Variants in KIRREL1 observed in about 807,000 individuals in gnomAD.
The protein encoded by KIRREL1 is kirre like nephrin family adhesion molecule 1, also known as kin of IRRE-like protein 1.
A neutral mutation model predicts 83.3 loss-of-function variants in KIRREL1; 25 were observed. That is an observed-to-expected ratio of 0.30 (90% CI 0.22 to 0.42). The LOEUF is 0.42. Ranked by LOEUF, KIRREL1 falls within the 10% of genes least tolerant of loss-of-function variation. The pLI is 1.00. For synonymous variants in KIRREL1, 388 were observed against 410.4 expected, an observed-to-expected ratio of 0.95 and a Z score of 0.66; for missense variants, 812 against 1,032.3, an observed-to-expected ratio of 0.79 and a Z score of 2.92.
Position 158,072,535 on chromosome 1 carries a change from C to A in KIRREL1, c.53-3578C>A, listed in dbSNP as rs547398279. Among the ~76,000 whole-genome samples, 38 of 152,210 alleles carry A rather than the reference C, an allele frequency of 2.5e-4. 1 individual carries two copies. Among genetic ancestry groups the A allele is most frequent in the Non-Finnish European group, 4.7e-4 (32 of 68,018 alleles). On this transcript the variant is annotated intron_variant, in intron 1 of 14. Transcript: ENST00000359209. ...GAGTAGGAAGACCTTGAGGGAACTA[C>A]ACGAAAGTCACGGGAGACTTCCCAG...
At chr1:158,027,613 G>A (rs555070073) in intron 1 of KIRREL1, among the ~76,000 whole-genome samples, 1 of 152,320 alleles carries the variant, frequency 6.6e-6, no homozygotes, top group Non-Finnish European at 1.5e-5. Context: ...GACACTTATC[G>A]CTTGGGAGAT....
intron 1 of KIRREL1, among the ~76,000 whole-genome samples, chr1:158,061,503 T>C (rs929823189): frequency 5.3e-5 from 8 of 152,176 alleles, no homozygotes; most frequent in African/African-American, 1.9e-4. Context: ...AGGTTTCTCC[T>C]ACACCTGGAT....
At chr1:158,038,215 G>T (rs780074767) in intron 1 of KIRREL1, among the ~76,000 whole-genome samples, 1 of 152,208 alleles carries the variant, frequency 6.6e-6, no homozygotes, top group Non-Finnish European at 1.5e-5. Flanking sequence ...GCATTCATCC[G>T]TTTAGTTCTC....
At chr1:158,051,207 G>T (rs190192609) in intron 1 of KIRREL1, among the ~76,000 whole-genome samples, 22 of 152,286 alleles carry the variant, frequency 1.4e-4, no homozygotes, top group Admixed American at 6.5e-5. Flanking sequence ...CATACTCGGT[G>T]CCTTCCCCTG....
At chr1:158,026,832 G>GA (rs1660184876) in intron 1 of KIRREL1, among the ~76,000 whole-genome samples, 1 of 152,036 alleles carries the variant, frequency 6.6e-6, no homozygotes, top group Non-Finnish European at 1.5e-5. Context: ...AAAGCTGAAT[G>GA]AAAAAAAGCA....
At chr1:158,059,605 G>A (rs1220310082) in intron 1 of KIRREL1, among the ~76,000 whole-genome samples, 1 of 152,138 alleles carries the variant, frequency 6.6e-6, no homozygotes, top group Non-Finnish European at 1.5e-5. Flanking sequence ...TGAGATTGGG[G>A]TTAGGAAAGT....
intron 1 of KIRREL1, among the ~76,000 whole-genome samples, chr1:158,073,763 C>T (rs527369182): frequency 9.9e-5 from 15 of 152,218 alleles, no homozygotes; most frequent in Non-Finnish European, 1.8e-4. Context: ...ACCCCCGTTT[C>T]CTGATTCTTA....
intron 1 of KIRREL1, among the ~76,000 whole-genome samples, chr1:158,024,662 G>A (rs1021527316): frequency 6.6e-6 from 1 of 152,140 alleles, no homozygotes; most frequent in East Asian, 1.9e-4. Context: ...AAGGCCCTTG[G>A]ATCCAACTGT....
intron 1 of KIRREL1, among the ~76,000 whole-genome samples, chr1:158,051,202 T>G (rs958962374): frequency 1.3e-5 from 2 of 152,192 alleles, no homozygotes; most frequent in Admixed American, 1.3e-4. Flanking sequence ...CAGTGCATAC[T>G]CGGTGCCTTC....
At chr1:158,010,346 CACACACACACACA>C (rs1659640083) in intron 1 of KIRREL1, among the ~76,000 whole-genome samples, 1 of 147,902 alleles carries the variant, frequency 6.8e-6, no homozygotes, top group Non-Finnish European at 1.5e-5. Flanking sequence ...CACACACACA[CACACACACACACA>C]CACCCCACAC....
At chr1:158,052,755 C>G (rs1660944264) in intron 1 of KIRREL1, among the ~76,000 whole-genome samples, 4 of 152,086 alleles carry the variant, frequency 2.6e-5, no homozygotes. Flanking sequence ...CACTGCACTC[C>G]AGCCTGGGCG....
chr1:158,025,913 T>G (rs1478970799), intron 1 of KIRREL1, among the ~76,000 whole-genome samples: 1 of 151,706 alleles, frequency 6.6e-6, no homozygotes, highest in Non-Finnish European at 1.5e-5. Context: ...GCAGAAGGGC[T>G]GGGGGAGGTG....
At chr1:158,009,470 T>TACTACCATTATTATTACC (rs1349100992) in intron 1 of KIRREL1, among the ~76,000 whole-genome samples, 1 of 152,230 alleles carries the variant, frequency 6.6e-6, no homozygotes, top group African/African-American at 2.4e-5. Context: ...CTGTTGTTAC[T>TACTACCATTATTATTACC]ACTACCATTA....
chr1:158,042,043 CTCAGAGAACTTGT>C (rs1660641773), intron 1 of KIRREL1, among the ~76,000 whole-genome samples: 1 of 152,162 alleles, frequency 6.6e-6, no homozygotes, highest in African/African-American at 2.4e-5. Flanking sequence ...ACTTCTGGAG[CTCAGAGAACTTGT>C]TCAGAGAACA....
chr1:158,039,131 C>T (rs1014259893), intron 1 of KIRREL1, among the ~76,000 whole-genome samples: 9 of 152,180 alleles, frequency 5.9e-5, no homozygotes, highest in Non-Finnish European at 1.2e-4. Context: ...AACACTGAGG[C>T]TCTGCCATTT....
intron 1 of KIRREL1, among the ~76,000 whole-genome samples, chr1:158,038,279 C>G (rs1364257630): frequency 6.6e-6 from 1 of 152,176 alleles, no homozygotes; most frequent in African/African-American, 2.4e-5. Flanking sequence ...CTGCTCTGGT[C>G]CCTGGGGACC....
chr1:158,037,588 C>T (rs1660512401), intron 1 of KIRREL1, among the ~76,000 whole-genome samples: 1 of 151,696 alleles, frequency 6.6e-6, no homozygotes, highest in African/African-American at 2.4e-5. Context: ...TGGTTAGCAG[C>T]ATGCCTGGCT....
chr1:158,070,893 C>A (rs888049340), intron 1 of KIRREL1, among the ~76,000 whole-genome samples: 2 of 152,142 alleles, frequency 1.3e-5, no homozygotes, highest in African/African-American at 4.8e-5. Context: ...TCCTCTCACC[C>A]CTCAAGACTC....
intron 1 of KIRREL1, among the ~76,000 whole-genome samples, chr1:158,010,522 T>C (rs1245427701): frequency 6.7e-6 from 1 of 148,696 alleles, no homozygotes; most frequent in African/African-American, 2.5e-5. Context: ...GTGTGGGTGC[T>C]TGTGTATGCA....
Sources: allele counts gnomAD v4.1 joint callset (sites outside exome capture counted in the v4.1 genomes callset), GRCh38; gene constraint gnomAD v4.1.1; transcripts MANE v1.5; gene names NCBI Gene and HGNC (gene_info 2026-07-23, HGNC 2026-07-21).